CNTN4: variants seen among roughly 807,000 people sequenced by gnomAD.
CNTN4 encodes the protein contactin 4.
In CNTN4, 77 loss-of-function variants were observed where a neutral mutation model predicts 122.5. The ratio of observed to expected loss-of-function variants is 0.63; its 90% CI spans 0.52 to 0.76. CNTN4 has a LOEUF of 0.76. Ranked by LOEUF, CNTN4 falls within the 30% of genes least tolerant of loss-of-function variation. The pLI is 0.00. For synonymous variants in CNTN4, 512 were observed against 447.0 expected (o/e 1.15, Z -1.83); for missense variants, 1,256 against 1,259.1 (o/e 1.00, Z 0.04).
intron 3 of CNTN4, among the ~76,000 whole-genome samples, chr3:2,449,487 C>T (rs2151343040): frequency 6.6e-6 from 1 of 152,078 alleles, no homozygotes; most frequent in African/African-American, 2.4e-5. Flanking sequence ...TGGTGATGCA[C>T]CCCTGTTATC....
intron 3 of CNTN4, among the ~76,000 whole-genome samples, chr3:2,518,343 A>G (rs77183403): frequency 0.03 from 4,620 of 152,214 alleles, 233 homozygotes; most frequent in African/African-American, 0.11. Context: ...TTTTTTCCAA[A>G]TCATTTTCGT....
intron 14 of CNTN4, among the ~76,000 whole-genome samples, chr3:3,006,039 C>G (rs1324398193): frequency 6.6e-6 from 1 of 151,992 alleles, no homozygotes; most frequent in Non-Finnish European, 1.5e-5. Flanking sequence ...GCGCCCACCC[C>G]CACGCTCGGC....
chr3:2,938,771 C>T (rs895926708), intron 13 of CNTN4, among the ~76,000 whole-genome samples: 2 of 152,140 alleles, frequency 1.3e-5, no homozygotes, highest in Admixed American at 6.5e-5. Flanking sequence ...TGGGTTAGAA[C>T]CATGTAAACC....
At chr3:2,291,432 C>A (rs551957287) in intron 2 of CNTN4, among the ~76,000 whole-genome samples, 1 of 152,252 alleles carries the variant, frequency 6.6e-6, no homozygotes, top group African/African-American at 2.4e-5. Context: ...ACCCTAGTTA[C>A]AACTGGTTCC....
intron 2 of CNTN4, among the ~76,000 whole-genome samples, chr3:2,204,380 A>G (rs2038242880): frequency 1.3e-5 from 2 of 152,176 alleles, no homozygotes; most frequent in Admixed American, 6.6e-5. Context: ...TACGCAGAAA[A>G]ATAATATAAG....
intron 7 of CNTN4, among the ~76,000 whole-genome samples, chr3:2,861,103 A>G (rs956482424): frequency 1.3e-5 from 2 of 152,224 alleles, no homozygotes; most frequent in African/African-American, 2.4e-5. Context: ...TGATCGGTGT[A>G]ACTCTTGGTT....
chr3:2,117,799 A>G (rs1001838393), intron 2 of CNTN4, among the ~76,000 whole-genome samples: 3 of 152,324 alleles, frequency 2.0e-5, no homozygotes, highest in Non-Finnish European at 2.9e-5. Flanking sequence ...GTTTAGGACC[A>G]CAGATGCGAT....
At chr3:2,219,836 A>T (rs1056162382) in intron 2 of CNTN4, among the ~76,000 whole-genome samples, 10 of 152,102 alleles carry the variant, frequency 6.6e-5, no homozygotes, top group Non-Finnish European at 1.5e-4. Context: ...TTTTTCAGAA[A>T]TATAGACATT....
rs976262116 is a variant in CNTN4 at position 2,709,290 on chromosome 3, A to G, written c.56-26925A>G. 2.0e-5 allele frequency among the ~76,000 whole-genome samples: 3 copies of G among 152,196 alleles called. No individual in the cohort carries two copies. The highest frequency in any genetic ancestry group is 3.8e-4 in the East Asian group (2 of 5,200). On this transcript the variant is annotated intron_variant, in intron 4 of 24. Transcript: ENST00000418658. This position sits in a 1 kb window ranked among gnomAD's most constrained non-coding sequence, Gnocchi z 5.0. ...ATCTTGAAAGAGACCTGAATTTATA[A>G]TTAGTACAGTGTGATTCTCAACCTT...
At chr3:2,311,199 C>A (rs557697853) in intron 2 of CNTN4, among the ~76,000 whole-genome samples, 11 of 152,078 alleles carry the variant, frequency 7.2e-5, no homozygotes, top group Non-Finnish European at 1.6e-4. Context: ...CCTGTCCTGC[C>A]TAGCAGTAGT....
intron 2 of CNTN4, among the ~76,000 whole-genome samples, chr3:2,306,677 G>A (rs1238058025): frequency 6.6e-6 from 1 of 151,786 alleles, no homozygotes; most frequent in Admixed American, 6.6e-5. Context: ...ACTTTTACAA[G>A]GATTACATAG....
intron 13 of CNTN4, among the ~76,000 whole-genome samples, chr3:2,961,158 A>G (rs377529694): frequency 1.6e-4 from 21 of 133,718 alleles, no homozygotes; most frequent in Non-Finnish European, 2.2e-4. Context: ...TGAACCCGGG[A>G]GGCGGAGCTT....
intron 3 of CNTN4, among the ~76,000 whole-genome samples, chr3:2,347,410 CTTTTTTTTTT>C (rs10664705): frequency 8.8e-6 from 1 of 113,162 alleles, no homozygotes; most frequent in Non-Finnish European, 1.7e-5. Context: ...GAAATACAAT[CTTTTTTTTTT>C]TTTTTTTTGG....
intron 8 of CNTN4, among the ~76,000 whole-genome samples, chr3:2,875,659 A>C (rs971046411): frequency 2.6e-5 from 4 of 152,316 alleles, no homozygotes; most frequent in Admixed American, 2.6e-4. Flanking sequence ...TTTTACAGAA[A>C]AAACTTTGTT....
chr3:2,823,260 A>G lies in CNTN4; in HGVS notation c.454+3679A>G, dbSNP rs1232202237. Among the ~76,000 whole-genome samples the G allele has an allele frequency of 2.0e-5, 3 of 152,192 alleles. No homozygotes were observed. The East Asian group carries it at 5.8e-4, about 29-fold the overall frequency. ...CAGATCATGCAGAGGAAGGGAAATG[A>G]GTCAGCCTTTTATTATATCAGTGGG... On this transcript the variant is annotated intron_variant, in intron 7 of 24. Coordinates refer to ENST00000418658, the MANE Select transcript of CNTN4 (RefSeq NM_175607.3).
At chr3:2,147,601 G>GTAGAGA (rs2035305506) in intron 2 of CNTN4, among the ~76,000 whole-genome samples, 1 of 152,022 alleles carries the variant, frequency 6.6e-6, no homozygotes, top group Non-Finnish European at 1.5e-5. Flanking sequence ...TTGTAGAGAT[G>GTAGAGA]CCAGTGAGGT....
At chr3:3,021,428 T>G (rs1206373691) in intron 14 of CNTN4, among the ~76,000 whole-genome samples, 1 of 152,210 alleles carries the variant, frequency 6.6e-6, no homozygotes, top group Non-Finnish European at 1.5e-5. Context: ...CCTTATGTCA[T>G]CTGAGGTTTG....
chr3:2,108,342 C>T (rs2032632799), intron 2 of CNTN4, among the ~76,000 whole-genome samples: 1 of 152,138 alleles, frequency 6.6e-6, no homozygotes, highest in Non-Finnish European at 1.5e-5. Flanking sequence ...TGTACATACT[C>T]TCATTGTACT....
chr3:2,622,346 C>T lies in CNTN4; in HGVS notation c.55+50788C>T, dbSNP rs1407603335. On this transcript the variant is annotated intron_variant, in intron 4 of 24. Coordinates refer to ENST00000418658, the MANE Select transcript of CNTN4 (RefSeq NM_175607.3). ...CCTGGCTGCAGGAAATGTGATGTTACTTTTTTGACATCTCTGCTCACTGCA... is the reference window on the plus strand; with the variant it reads ...CCTGGCTGCAGGAAATGTGATGTTATTTTTTTGACATCTCTGCTCACTGCA... Among the ~76,000 whole-genome samples the T allele has an allele frequency of 2.6e-5, 4 of 152,300 alleles. No individual in the cohort carries two copies. In the East Asian group the frequency reaches 5.8e-4, roughly 22 times the overall value.
Sources: gnomAD v4.1 joint callset for allele counts (sites outside exome capture counted in the v4.1 genomes callset) on GRCh38, gnomAD v4.1.1 for gene constraint, Gnocchi (gnomAD v3.1) non-coding constraint, MANE v1.5 for transcripts, NCBI Gene and HGNC (gene_info 2026-07-23, HGNC 2026-07-21) for gene names.